Variants in HERC5 observed in about 807,000 individuals in gnomAD.
HERC5 encodes the protein E3 ISG15--protein ligase HERC5.
Under a neutral mutation model 119.6 loss-of-function variants are expected in HERC5, and 99 were observed. That is an observed-to-expected ratio of 0.83 (90% CI 0.70 to 0.98). The LOEUF is 0.98. Ranked by LOEUF, HERC5 falls within the 50% of genes least tolerant of loss-of-function variation. The pLI is 0.00. For missense variants in HERC5, 1,267 were observed against 1,241.3 expected (o/e 1.02, Z -0.31); for synonymous variants, 478 against 445.9 (o/e 1.07, Z -0.91).
chr4:88,485,844 T>C (rs778945773), intron 13 of HERC5, among the ~76,000 whole-genome samples: 5 of 152,140 alleles, frequency 3.3e-5, no homozygotes, highest in Non-Finnish European at 5.9e-5. Flanking sequence ...GTTTTTTTTT[T>C]TCTTCCTATT....
rs1192880288 is a variant in HERC5 at position 88,467,166 on chromosome 4, T to C, written c.1019T>C (p.Leu340Pro). 6.2e-7 allele frequency: 1 copy of C among 1,614,094 alleles called. No homozygotes were observed. Among genetic ancestry groups the C allele is most frequent in the African/African-American group, 1.3e-5 (1 of 74,938 alleles). The change falls in exon 7 of 23, where the codon CTT becomes CCT. Residue 340 changes from leucine (L) to proline (P), a missense_variant. Coordinates refer to ENST00000264350, the MANE Select transcript of HERC5 (RefSeq NM_016323.4). ...GGAACACGTGACCAGCTGATGCCGC[T>C]TCCAGTGAAAGTATCATCAAGTGAA... ...NGGTRDQLMP[L>P]PVKVSSSEEL...
chr4:88,487,601 A>G (rs906045056), intron 15 of HERC5, among the ~76,000 whole-genome samples: 2 of 152,204 alleles, frequency 1.3e-5, no homozygotes, highest in African/African-American at 4.8e-5. Flanking sequence ...AGGATTCCTG[A>G]AATTAGGAGC....
At chr4:88,475,636 A>T (rs554930910) in intron 11 of HERC5, among the ~76,000 whole-genome samples, 1 of 152,206 alleles carries the variant, frequency 6.6e-6, no homozygotes, top group African/African-American at 2.4e-5. Flanking sequence ...AATGGAGAGA[A>T]TACTAATTGT....
At chr4:88,483,877 C>A (rs552211645) in intron 13 of HERC5, among the ~76,000 whole-genome samples, 1 of 152,282 alleles carries the variant, frequency 6.6e-6, no homozygotes, top group South Asian at 2.1e-4. Flanking sequence ...GGATATTTCC[C>A]TCCTTTTAGA....
chr4:88,504,728 C>CT (rs1485216511), intron 22 of HERC5, 131 bp downstream of exon 22: 6 of 446,372 alleles, frequency 1.3e-5, no homozygotes, highest in Non-Finnish European at 2.4e-5. Context: ...TGAACATCCT[C>CT]TGTGTCCCAA....
intron 11 of HERC5, among the ~76,000 whole-genome samples, chr4:88,474,081 C>A (rs1189977260): frequency 1.3e-5 from 2 of 152,136 alleles, no homozygotes; most frequent in Admixed American, 1.3e-4. Context: ...GTAATGATGA[C>A]TCGATGAAGA....
rs756694449 is a variant in HERC5 at position 88,505,851 on chromosome 4, C to T, written c.3048C>T (p.Ala1016=). ...METVEEALQE[A]INNNRGFG is the part of the protein sequence containing the mutation. ...CAGTTGAAGAAGCGCTTCAAGAAGC[C>T]ATCAACAACAACAGAGGATTTGGCT... Residue 1016 remains alanine, a synonymous_variant, in exon 23 of 23, where the codon GCC becomes GCT. Transcript: ENST00000264350. 5.0e-6 allele frequency: 8 copies of T among 1,612,156 alleles called. No homozygotes were observed. The Admixed American group carries it at 1.3e-4, about 27-fold the overall frequency.
At chr4:88,492,720 T>G (rs1044315685) in intron 16 of HERC5, among the ~76,000 whole-genome samples, 1 of 152,070 alleles carries the variant, frequency 6.6e-6, no homozygotes, top group Admixed American at 6.6e-5. Flanking sequence ...CACTCCAGCC[T>G]AGACAACAGA....
chr4:88,468,299 G>T, intron 7 of HERC5, 47 bp from the exon 8 acceptor site: 5 of 1,323,828 alleles, frequency 3.8e-6, no homozygotes, highest in Non-Finnish European at 5.4e-6. Flanking sequence ...ATGCATGTTT[G>T]TGCCAAATGA....
intron 13 of HERC5, among the ~76,000 whole-genome samples, chr4:88,483,869 A>G (rs2149099885): frequency 1.3e-5 from 2 of 152,268 alleles, no homozygotes; most frequent in African/African-American, 4.8e-5. Context: ...TAGGTTAAGG[A>G]TATTTCCCTC....
rs1392913717 is a variant in HERC5 at position 88,460,162 on chromosome 4, C to T, written c.457C>T (p.Leu153Phe). The T allele has an allele frequency of 5.8e-6, 9 of 1,556,296 alleles. No individual in the cohort carries two copies. In the Admixed American group the frequency reaches 1.4e-4, roughly 24 times the overall value. Residue 153 changes from leucine to phenylalanine, a missense_variant, in exon 3 of 23, where the codon CTC (leucine) becomes TTC (phenylalanine). By Grantham distance (22) the Leu-to-Phe change is conservative (BLOSUM62 0). Transcript: ENST00000264350. ...ATGTGGAGATTACCATTCTCTTGCA[C>T]TCTCAAAAGGTAATTTTTCTGTAAT... ...ITCGDYHSLA[L>F]SKGGELFAWG...
Position 88,505,980 on chromosome 4 carries a change from C to T in HERC5, c.*102C>T. 1 of 879,034 alleles carries T rather than the reference C, an allele frequency of 1.1e-6. No individual in the cohort carries two copies. Among genetic ancestry groups the T allele is most frequent in the Admixed American group, 2.7e-5 (1 of 37,520 alleles). 54.5% of individuals were successfully genotyped at this position (879,034 alleles called of 1,614,324 possible). On this transcript the variant is annotated 3_prime_UTR_variant, in exon 23 of 23. Transcript: ENST00000264350. The stretch of plus-strand genomic sequence containing the variant: ...TTGTTTTGTTTTAGGCTTTTAGCAG[C>T]CTGAAGCCATGGTTTTTCATTTCTG...
chr4:88,463,478 T>G, intron 4 of HERC5, 54 bp from the exon 5 acceptor site: 1 of 1,211,572 alleles, frequency 8.3e-7, no homozygotes. Flanking sequence ...GTAACTCCAC[T>G]GTGAAACTCA....
intron 11 of HERC5, among the ~76,000 whole-genome samples, chr4:88,474,642 C>A (rs1300110011): frequency 6.6e-6 from 1 of 152,170 alleles, no homozygotes; most frequent in African/African-American, 2.4e-5. Context: ...CACTTAGCCA[C>A]TATCTCATAA....
Position 88,457,550 on chromosome 4 carries a change from G to GTGTGAGGGC in HERC5, c.265+34_265+42dup, listed in dbSNP as rs761441515. ...CGGACGCCGAGTGAGTGGGGCTGGT[G>GTGTGAGGGC]TGTGAGGGCTGTGAGGGCTGTGAGG... On this transcript the variant is annotated intron_variant, in intron 1 of 22. Transcript: ENST00000264350. 1.4e-5 allele frequency: 18 copies of GTGTGAGGGC among 1,261,632 alleles called. No homozygotes were observed. Among genetic ancestry groups the GTGTGAGGGC allele is most frequent in the South Asian group, 3.1e-5 (1 of 32,706 alleles). The allele number at this position is 1,261,632 out of a possible 1,614,324, so 78.2% of individuals were successfully genotyped here. A position where few individuals can be genotyped will look rare whatever the true frequency, so the allele number is the denominator to read the frequency against.
chr4:88,464,891 C>T (rs2149087503), intron 6 of HERC5, among the ~76,000 whole-genome samples: 1 of 152,352 alleles, frequency 6.6e-6, no homozygotes, highest in East Asian at 1.9e-4. Context: ...CTGCCTCAGC[C>T]TCCGGAGTAG....
chr4:88,502,015 G>T (rs1363429641), intron 20 of HERC5, among the ~76,000 whole-genome samples: 3 of 152,080 alleles, frequency 2.0e-5, no homozygotes, highest in African/African-American at 7.2e-5. Context: ...AGCCAGGATG[G>T]TCTCCATCTC....
chr4:88,504,668 T>C (rs1742054395), intron 22 of HERC5, 71 bp downstream of exon 22: 1 of 878,468 alleles, frequency 1.1e-6, no homozygotes, highest in East Asian at 2.8e-5. Context: ...TCCTTTATGA[T>C]AAGTACCATT....
Position 88,475,625 on chromosome 4 carries a change from G to C in HERC5, c.1393-216G>C, listed in dbSNP as rs536858296. Among the ~76,000 whole-genome samples, 18 of 152,168 alleles carry C rather than the reference G, an allele frequency of 1.2e-4. No homozygotes were observed. The East Asian group carries it at 3.5e-3, about 29-fold the overall frequency. The stretch of plus-strand genomic sequence containing the variant: ...ATCTCCTTCATGCACCCTGATAATT[G>C]AATGGAGAGAATACTAATTGTATAT... On this transcript the variant is annotated intron_variant, in intron 11 of 22. Coordinates refer to ENST00000264350, the MANE Select transcript of HERC5 (RefSeq NM_016323.4).
Sources: gnomAD v4.1 joint callset for allele counts (sites outside exome capture counted in the v4.1 genomes callset) on GRCh38, gnomAD v4.1.1 for gene constraint, MANE v1.5 for transcripts, NCBI Gene and HGNC (gene_info 2026-07-23, HGNC 2026-07-21) for gene names.